PRKG1: variants seen among roughly 807,000 people sequenced by gnomAD.
PRKG1 encodes the protein cGMP-dependent protein kinase 1.
PRKG1 carries 35 observed loss-of-function variants against 88.1 expected under a neutral mutation model. The observed-to-expected ratio is 0.40, with a 90% CI of 0.30 to 0.53. The LOEUF (loss-of-function observed/expected upper bound fraction) is 0.53. Ranked by LOEUF, PRKG1 falls within the 20% of genes least tolerant of loss-of-function variation. The pLI, the probability that PRKG1 is intolerant of heterozygous loss-of-function variation, is 0.59. For synonymous variants in PRKG1, 303 were observed against 292.5 expected (o/e 1.04, Z -0.37); for missense variants, 540 against 839.8 (o/e 0.64, Z 4.41).
At chr10:51,928,224 A>T (rs1019019278) in intron 5 of PRKG1, among the ~76,000 whole-genome samples, 1 of 152,338 alleles carries the variant, frequency 6.6e-6, no homozygotes, top group Admixed American at 6.5e-5. Context: ...TCTGACTGAC[A>T]TTTGAATTTG....
At chr10:52,162,195 A>G (rs1422125198) in intron 9 of PRKG1, among the ~76,000 whole-genome samples, 2 of 152,142 alleles carry the variant, frequency 1.3e-5, no homozygotes, top group African/African-American at 4.8e-5. Context: ...CTCAGCAAGA[A>G]AAAATGCTTA....
At position 51,789,382 on chromosome 10, in the gene PRKG1, T is replaced by C. The variant is rs147184837; in HGVS notation, c.593-15203T>C. On this transcript the variant is annotated intron_variant, in intron 3 of 17. Coordinates refer to ENST00000373980, the MANE Select transcript of PRKG1 (RefSeq NM_006258.4). ...CCAGAGGCTGAAGCTTTTGACCGAA[T>C]CTCAAAATGTGAGGTGTTTGGAGCT... Among the ~76,000 whole-genome samples, 640 of 152,294 alleles carry C rather than the reference T, an allele frequency of 4.2e-3. 1 individual carries two copies. The highest frequency in any genetic ancestry group is 0.017 in the Middle Eastern group (5 of 294).
intron 1 of PRKG1, among the ~76,000 whole-genome samples, chr10:51,101,390 G>A (rs766856582): frequency 6.6e-5 from 10 of 152,106 alleles, no homozygotes; most frequent in Non-Finnish European, 1.3e-4. Context: ...CCAATGTCCA[G>A]AACTGTGAGA....
chr10:51,573,846 A>G (rs567068182), intron 3 of PRKG1, among the ~76,000 whole-genome samples: 40 of 152,018 alleles, frequency 2.6e-4, no homozygotes, highest in South Asian at 6.2e-4. Flanking sequence ...AATTGTTTGT[A>G]TATAAGCACC....
At chr10:52,244,430 C>G (rs948223514) in intron 9 of PRKG1, among the ~76,000 whole-genome samples, 1 of 151,470 alleles carries the variant, frequency 6.6e-6, no homozygotes, top group African/African-American at 2.4e-5. Context: ...TAGAATCTAC[C>G]CATTTTTATT....
chr10:51,404,864 A>G (rs1837862056), intron 2 of PRKG1, among the ~76,000 whole-genome samples: 1 of 152,192 alleles, frequency 6.6e-6, no homozygotes, highest in Non-Finnish European at 1.5e-5. Flanking sequence ...GCAGTGCTTT[A>G]GGAAATAAAT....
rs550235662 is a variant in PRKG1, at chr10:52,123,187, G to GA, written c.936-10646dup. On this transcript the variant is annotated intron_variant, in intron 7 of 17. Coordinates refer to ENST00000373980, the MANE Select transcript of PRKG1 (RefSeq NM_006258.4). Reference sequence around the variant, plus strand: ...ATGCTATCAACCCAGCAGAAGTAATGAAAAAAATGTGAAAATTGAATTCTT... The same window carrying GA: ...ATGCTATCAACCCAGCAGAAGTAATGAAAAAAAATGTGAAAATTGAATTCTT... Among the ~76,000 whole-genome samples, 300 of 152,164 alleles carry GA rather than the reference G, an allele frequency of 2.0e-3. 1 individual carries two copies. The highest frequency in any genetic ancestry group is 7.0e-3 in the African/African-American group (289 of 41,546).
chr10:51,053,667 T>G (rs182496493), intron 1 of PRKG1, among the ~76,000 whole-genome samples: 73 of 152,296 alleles, frequency 4.8e-4, no homozygotes, highest in African/African-American at 1.7e-3. Flanking sequence ...CAATAAAACT[T>G]TGGGTTTAAA....
rs115107105 is a variant in PRKG1, at chr10:51,020,115, A to G, written c.266+28471A>G. 5.8e-3 allele frequency among the ~76,000 whole-genome samples: 890 copies of G among 152,322 alleles called. 6 individuals carry two copies. The highest frequency in any genetic ancestry group is 0.02 in the African/African-American group (848 of 41,570). ...TGGTTTCTCAAAAAATTAAAAATAG[A>G]ATTACCATACGAGCTAACTATTCTA... On this transcript the variant is annotated intron_variant, in intron 1 of 17. Transcript: ENST00000401604.
intron 3 of PRKG1, among the ~76,000 whole-genome samples, chr10:51,766,850 A>C (rs1439051769): frequency 6.6e-6 from 1 of 152,226 alleles, no homozygotes; most frequent in African/African-American, 2.4e-5. Flanking sequence ...AGCACCACAT[A>C]GTTTTTTACT....
chr10:51,337,139 T>C (rs1355733712), intron 2 of PRKG1, among the ~76,000 whole-genome samples: 4 of 152,128 alleles, frequency 2.6e-5, no homozygotes, highest in Admixed American at 2.6e-4. Context: ...TTGACAAACC[T>C]GAGACAAACA....
chr10:51,442,071 A>G (rs1217026842), intron 2 of PRKG1, among the ~76,000 whole-genome samples: 1 of 151,830 alleles, frequency 6.6e-6, no homozygotes, highest in African/African-American at 2.4e-5. Flanking sequence ...ACTTTTTACC[A>G]GGAAAAAAAA....
chr10:51,615,328 A>G (rs768788811), intron 3 of PRKG1, among the ~76,000 whole-genome samples: 16 of 152,082 alleles, frequency 1.1e-4, no homozygotes, highest in Non-Finnish European at 2.4e-4. Flanking sequence ...TTTCTGCATT[A>G]TATCTGTTTG....
intron 5 of PRKG1, among the ~76,000 whole-genome samples, chr10:51,957,249 C>A (rs1385327914): frequency 4.9e-4 from 59 of 121,088 alleles, no homozygotes; most frequent in African/African-American, 1.6e-3. Flanking sequence ...TCTCTCTTTT[C>A]TTTCATACAT....
At chr10:51,630,688 G>A (rs1256656664) in intron 3 of PRKG1, among the ~76,000 whole-genome samples, 1 of 152,184 alleles carries the variant, frequency 6.6e-6, no homozygotes, top group Non-Finnish European at 1.5e-5. Flanking sequence ...TCTACCAGTT[G>A]TGCCTCAGTA....
chr10:51,940,576 G>A (rs12249722), intron 5 of PRKG1, among the ~76,000 whole-genome samples: 4,198 of 151,860 alleles, frequency 0.028, 246 homozygotes, highest in African/African-American at 0.096. Context: ...CTCATGTAGT[G>A]TCAGCCAGGG....
intron 9 of PRKG1, among the ~76,000 whole-genome samples, chr10:52,193,334 C>G (rs1466329749): frequency 6.6e-6 from 1 of 151,926 alleles, no homozygotes; most frequent in African/African-American, 2.4e-5. Flanking sequence ...CACCTGAGGT[C>G]AGGAGTTTGA....
chr10:51,186,038 A>G (rs1589228022), intron 2 of PRKG1, among the ~76,000 whole-genome samples: 1 of 152,014 alleles, frequency 6.6e-6, no homozygotes, highest in Middle Eastern at 3.5e-3. Context: ...AATTTTGTTA[A>G]CTTCCATATG....
At chr10:52,079,568 G>T (rs1222786915) in intron 7 of PRKG1, among the ~76,000 whole-genome samples, 5 of 152,102 alleles carry the variant, frequency 3.3e-5, no homozygotes, top group Non-Finnish European at 7.4e-5. Flanking sequence ...CCTAGTAAAA[G>T]TTGAGCACAG....
Sources: gnomAD v4.1 joint callset for allele counts (sites outside exome capture counted in the v4.1 genomes callset) on GRCh38, gnomAD v4.1.1 for gene constraint, MANE v1.5 for transcripts, NCBI Gene and HGNC (gene_info 2026-07-23, HGNC 2026-07-21) for gene names.